Variants in FSCN3 observed in about 807,000 individuals in gnomAD.
The protein encoded by FSCN3 is fascin-3.
A neutral mutation model predicts 53.5 loss-of-function variants in FSCN3; 43 were observed. That is an observed-to-expected ratio of 0.80 (90% CI 0.63 to 1.04). The LOEUF is 1.04. Among genes scored for constraint, FSCN3 ranks in the 50% least tolerant of loss-of-function variants. FSCN3 has a pLI of 0.00. For missense variants in FSCN3, 594 were observed against 646.5 expected, an observed-to-expected ratio of 0.92 and a Z score of 0.88; for synonymous variants, 235 against 246.6, an observed-to-expected ratio of 0.95 and a Z score of 0.44.
intron 1 of FSCN3, 70 bp downstream of exon 1, chr7:127,594,067 C>CGTGTGTGTGTGTGCGCGCGT (rs923972160): frequency 1.1e-5 from 17 of 1,513,504 alleles, no homozygotes; most frequent in Non-Finnish European, 1.5e-5. Context: ...TGTGCGCGCG[C>CGTGTGTGTGTGTGCGCGCGT]GCGTGTGTGT....
chr7:127,600,477 C>T, intron 6 of FSCN3, 78 bp downstream of exon 6: 1 of 853,846 alleles, frequency 1.2e-6, no homozygotes, highest in South Asian at 1.5e-5. Flanking sequence ...GGTGGGGAGG[C>T]ATGTGATGGG....
In FSCN3 at chr7:127,600,418, T is replaced by C; in HGVS notation, c.*19T>C. ...ATTTTAGGTAAGGGAGAGGAACAGG[T>C]AAGGGGCTAGGGGAGCAGAAGCCAT... On this transcript the variant is annotated intron_variant, in intron 6 of 6. Coordinates refer to ENST00000265825, the MANE Select transcript of FSCN3 (RefSeq NM_020369.3). The C allele has an allele frequency of 6.8e-7, 1 of 1,470,302 alleles. No individual in the cohort carries two copies. Among genetic ancestry groups the C allele is most frequent in the Non-Finnish European group, 9.5e-7 (1 of 1,049,600 alleles). The allele number at this position is 1,470,302 out of a possible 1,614,324, so 91.1% of individuals were successfully genotyped here.
In FSCN3 at chr7:127,598,595, G is replaced by A. The variant is rs1794425865; in HGVS notation, c.1120+1G>A. The A allele has an allele frequency of 6.2e-7, 1 of 1,601,306 alleles. No individual in the cohort carries two copies. Among genetic ancestry groups the A allele is most frequent in the Non-Finnish European group, 8.5e-7 (1 of 1,171,704 alleles). ...CTGATGGCCAATGTCATCCTTCCAGGTGAGTGGAGCAGCCTTCCTGCCAGA... is the reference window on the plus strand; with the variant it reads ...CTGATGGCCAATGTCATCCTTCCAGATGAGTGGAGCAGCCTTCCTGCCAGA... On this transcript the variant is annotated splice_donor_variant, in intron 4 of 6. Transcript: ENST00000265825. LOFTEE classifies it high-confidence loss of function.
chr7:127,597,568 T>A (rs1449778087), intron 3 of FSCN3, among the ~76,000 whole-genome samples: 1 of 152,056 alleles, frequency 6.6e-6, no homozygotes, highest in Non-Finnish European at 1.5e-5. Context: ...AACCTCCGCT[T>A]CCTGGGTTCA....
In FSCN3 at chr7:127,598,458, T is replaced by G. The variant is rs772850586; in HGVS notation, c.984T>G (p.Ala328=). Residue 328 remains alanine, a synonymous_variant, in exon 4 of 7, where the codon GCT becomes GCG. Coordinates refer to ENST00000265825, the MANE Select transcript of FSCN3 (RefSeq NM_020369.3). The part of the protein sequence containing the change: ...LSQRRHRAVM[A]DGHPLESDTF... ...AGAGGCGCCACAGGGCAGTAATGGC[T>G]GATGGGCACCCCCTGGAGTCTGACA... is the stretch of plus-strand genomic sequence containing the variant. 1.2e-6 allele frequency: 2 copies of G among 1,613,998 alleles called. No individual in the cohort carries two copies. The highest frequency in any genetic ancestry group is 1.7e-6 in the Non-Finnish European group (2 of 1,179,986).
rs77295263 is a variant in FSCN3 at position 127,600,186 on chromosome 7, T to C, written c.1292-8T>C. 1.0e-4 allele frequency: 161 copies of C among 1,554,178 alleles called. No individual in the cohort carries two copies. The African/African-American group carries it at 2.0e-3, about 19-fold the overall frequency. Reference sequence around the variant, plus strand: ...ATGGCCCACCAACCTGAGCTCTTCCTTCTCCAGCACAGGGGGGATCCTTCT... The same window carrying C: ...ATGGCCCACCAACCTGAGCTCTTCCCTCTCCAGCACAGGGGGGATCCTTCT... On this transcript the variant is annotated splice_polypyrimidine_tract_variant and splice_region_variant and intron_variant, in intron 5 of 6. Coordinates refer to ENST00000265825, the MANE Select transcript of FSCN3 (RefSeq NM_020369.3).
rs1794373892 is a variant in FSCN3, at chr7:127,595,577, CG to C, written c.416del (p.Arg139HisfsTer8). 6.2e-7 allele frequency: 1 copy of C among 1,614,002 alleles called. No individual in the cohort carries two copies. The highest frequency in any genetic ancestry group is 8.5e-7 in the Non-Finnish European group (1 of 1,179,978). The part of the protein sequence containing the change: ...VLSAYHMWTP[R>X]PALHVHVILY... ...CTCAGCTTACCACATGTGGACCCCCCGACCAGCCCTCCATGTCCACGTGATC... is the reference window on the plus strand; with the variant it reads ...CTCAGCTTACCACATGTGGACCCCCCACCAGCCCTCCATGTCCACGTGATC... On this transcript the variant is annotated frameshift_variant, in exon 2 of 7. Transcript: ENST00000265825. LOFTEE classifies it high-confidence loss of function.
Position 127,599,450 on chromosome 7 carries a change from A to G in FSCN3, c.1190A>G (p.Tyr397Cys), listed in dbSNP as rs762051152. The G allele has an allele frequency of 5.0e-6, 8 of 1,613,906 alleles. No individual in the cohort carries two copies. Among genetic ancestry groups the G allele is most frequent in the African/African-American group, 1.3e-5 (1 of 74,894 alleles). ...CTTGTATTGCGAGGTCGTTATGGCT[A>G]TGTGGGCTCCTCATCGGGCCATGAC... ...SFLVLRGRYGYVGSSSGHDLI... is the reference protein window; with the variant it reads ...SFLVLRGRYGCVGSSSGHDLI... Residue 397 changes from tyrosine to cysteine, a missense_variant, in exon 5 of 7, where the codon TAT becomes TGT. Coordinates refer to ENST00000265825, the MANE Select transcript of FSCN3 (RefSeq NM_020369.3).
In FSCN3 at chr7:127,599,370, A is replaced by C; in HGVS notation, c.1121-11A>C. 1 of 1,609,366 alleles carries C rather than the reference A, an allele frequency of 6.2e-7. No individual in the cohort carries two copies. Among genetic ancestry groups the C allele is most frequent in the East Asian group, 2.2e-5 (1 of 44,742 alleles). ...CAGCCCATCCAGATAACTCCTTCCT[A>C]TTTCCTTCAGGCCCAAATGAGGAAT... On this transcript the variant is annotated splice_polypyrimidine_tract_variant and intron_variant, in intron 4 of 6. Coordinates refer to ENST00000265825, the MANE Select transcript of FSCN3 (RefSeq NM_020369.3).
Position 127,595,617 on chromosome 7 carries a change from T to A in FSCN3, c.455T>A (p.Ile152Asn). ...LHVHVILYSPIHRCYARADPT... is the reference protein window; with the variant it reads ...LHVHVILYSPNHRCYARADPT... The stretch of plus-strand genomic sequence containing the variant: ...GTCCACGTGATCCTCTACAGCCCCA[T>A]CCACCGCTGCTATGCCCGGGCTGAC... The change falls in exon 2 of 7, where the codon ATC becomes AAC. Residue 152 changes from isoleucine (I) to asparagine (N), a missense_variant. By Grantham distance (149) the Ile-to-Asn change is moderately radical. Transcript: ENST00000265825. The A allele has an allele frequency of 6.2e-7, 1 of 1,613,856 alleles. No individual in the cohort carries two copies. Among genetic ancestry groups the A allele is most frequent in the Non-Finnish European group, 8.5e-7 (1 of 1,179,892 alleles).
rs945071382 is a variant in FSCN3 at position 127,598,518 on chromosome 7, C to T, written c.1044C>T (p.Ile348=). The part of the protein sequence containing the change: ...FFRMHWNCGR[I]ILQSCRGRFL... ...GAATGCACTGGAACTGTGGCAGGAT[C>T]ATCCTGCAGTCCTGCAGGGGGCGCT... Residue 348 remains isoleucine, a synonymous_variant, in exon 4 of 7, where the codon ATC becomes ATT. Transcript: ENST00000265825. 2 of 1,613,006 alleles carry T rather than the reference C, an allele frequency of 1.2e-6. No homozygotes were observed. Among genetic ancestry groups the T allele is most frequent in the Non-Finnish European group, 1.7e-6 (2 of 1,179,080 alleles).
At chr7:127,597,973 T>C (rs1794416984) in intron 3 of FSCN3, among the ~76,000 whole-genome samples, 2 of 152,244 alleles carry the variant, frequency 1.3e-5, no homozygotes, top group African/African-American at 4.8e-5. Flanking sequence ...ATTTGTTTAA[T>C]GGATCTTTTG....
At chr7:127,598,815 C>A (rs1794428316) in intron 4 of FSCN3, among the ~76,000 whole-genome samples, 1 of 152,058 alleles carries the variant, frequency 6.6e-6, no homozygotes, top group African/African-American at 2.4e-5. Context: ...CAAAAATTAA[C>A]CAGACATGGT....
chr7:127,600,234 CT>C lies in FSCN3; in HGVS notation c.1335del (p.Arg446AlafsTer96). The C allele has an allele frequency of 6.2e-7, 1 of 1,610,940 alleles. No homozygotes were observed. Among genetic ancestry groups the C allele is most frequent in the Non-Finnish European group, 8.5e-7 (1 of 1,177,028 alleles). On this transcript the variant is annotated frameshift_variant, in exon 6 of 7. Coordinates refer to ENST00000265825, the MANE Select transcript of FSCN3 (RefSeq NM_020369.3). LOFTEE classifies it high-confidence loss of function. ...TCTGGTCAATAACATCCTTTGGCAC[CT>C]TTCGCCCTTGGGGCAAGTTTGCCCT... ...SFWSITSFGT[F>X]RPWGKFALNF...
chr7:127,595,256 C>G, intron 1 of FSCN3, 51 bp from the exon 2 acceptor site: 1 of 1,526,230 alleles, frequency 6.6e-7, no homozygotes, highest in Non-Finnish European at 8.9e-7. Context: ...GCTCCTTGGT[C>G]TGGTAACTTC....
rs572782813 is a variant in FSCN3 at position 127,598,960 on chromosome 7, C to CA, written c.1120+382dup. On this transcript the variant is annotated intron_variant, in intron 4 of 6. Coordinates refer to ENST00000265825, the MANE Select transcript of FSCN3 (RefSeq NM_020369.3). ...GGGCGACAGAGCGAGACTCTATCTCCAAAAAAAAAAAAAAAAGTACTGGAG... is the reference window on the plus strand; with the variant it reads ...GGGCGACAGAGCGAGACTCTATCTCCAAAAAAAAAAAAAAAAAGTACTGGAG... Among the ~76,000 whole-genome samples the CA allele has an allele frequency of 9.3e-3, 1,097 of 118,110 alleles. 13 individuals carry two copies. Among genetic ancestry groups the CA allele is most frequent in the African/African-American group, 0.025 (798 of 31,688 alleles). The allele number at this position is 118,110 out of a possible 152,430, so 77.5% of individuals were successfully genotyped here.
At chr7:127,597,850 G>T (rs564996549) in intron 3 of FSCN3, among the ~76,000 whole-genome samples, 1 of 152,090 alleles carries the variant, frequency 6.6e-6, no homozygotes, top group East Asian at 1.9e-4. Context: ...TTTGTTACTG[G>T]GTTGTTTGTC....
At chr7:127,594,427 A>G (rs1794352370) in intron 1 of FSCN3, 4 of 467,558 alleles carry the variant, frequency 8.6e-6, no homozygotes, top group Non-Finnish European at 1.3e-5. Flanking sequence ...TTTATTCCGC[A>G]AGGTGAAGCC....
chr7:127,598,648 G>A, intron 4 of FSCN3, 54 bp downstream of exon 4: 1 of 1,451,638 alleles, frequency 6.9e-7, no homozygotes, highest in Admixed American at 1.9e-5. Context: ...GAACTTTAGA[G>A]GGAGGTGGAA....
Sources: allele counts gnomAD v4.1 joint callset (sites outside exome capture counted in the v4.1 genomes callset), GRCh38; gene constraint gnomAD v4.1.1; transcripts MANE v1.5; gene names NCBI Gene and HGNC (gene_info 2026-07-23, HGNC 2026-07-21).